Variants in TAF4B observed in about 807,000 individuals in gnomAD.
TAF4B encodes TATA-box binding protein associated factor 4b.
In TAF4B, 38 loss-of-function variants were observed where a neutral mutation model predicts 86.4. That is an observed-to-expected ratio of 0.44 (90% CI 0.34 to 0.58). The LOEUF (loss-of-function observed/expected upper bound fraction) is 0.58. TAF4B is among the 20% of genes least tolerant of loss of function. TAF4B has a pLI of 0.02. For missense variants in TAF4B, 988 were observed against 1,027.6 expected (o/e 0.96, Z 0.53); for synonymous variants, 388 against 391.2 (o/e 0.99, Z 0.10).
chr18:26,245,734 C>CT (rs1442479666), intron 1 of TAF4B, among the ~76,000 whole-genome samples: 1 of 152,212 alleles, frequency 6.6e-6, no homozygotes, highest in Non-Finnish European at 1.5e-5. Context: ...TTACAATCCT[C>CT]TTGTAAGACA....
chr18:26,313,478 G>A (rs1429890270), intron 9 of TAF4B, among the ~76,000 whole-genome samples: 2 of 152,104 alleles, frequency 1.3e-5, no homozygotes, highest in Non-Finnish European at 2.9e-5. Context: ...TGTCTCTGAG[G>A]ATACCTTTGT....
At chr18:26,290,469 A>C (rs1345949293) in intron 7 of TAF4B, among the ~76,000 whole-genome samples, 1 of 152,208 alleles carries the variant, frequency 6.6e-6, no homozygotes, top group African/African-American at 2.4e-5. Context: ...CTTGACTGCA[A>C]AGCTCAGTAA....
chr18:26,292,695 G>A (rs1157815900), intron 8 of TAF4B, among the ~76,000 whole-genome samples: 1 of 152,076 alleles, frequency 6.6e-6, no homozygotes, highest in African/African-American at 2.4e-5. Flanking sequence ...GCTAATTTTT[G>A]TATTTTTAGT....
chr18:26,341,994 C>T (rs929443011), intron 13 of TAF4B, among the ~76,000 whole-genome samples: 3 of 151,950 alleles, frequency 2.0e-5, no homozygotes, highest in African/African-American at 7.2e-5. Flanking sequence ...ATGTAATTAT[C>T]AGCATTGTTA....
At chr18:26,310,834 TA>T (rs1172213292) in intron 9 of TAF4B, among the ~76,000 whole-genome samples, 3 of 152,032 alleles carry the variant, frequency 2.0e-5, no homozygotes, top group African/African-American at 7.2e-5. Context: ...CTAAGTATAG[TA>T]TTTTTTTTTT....
At chr18:26,284,604 G>A (rs189655559) in intron 6 of TAF4B, among the ~76,000 whole-genome samples, 36 of 152,302 alleles carry the variant, frequency 2.4e-4, no homozygotes, top group Admixed American at 1.2e-3. Flanking sequence ...TTGGCTGGGC[G>A]TGGTGGCTCA....
rs771554118 is a variant in TAF4B at position 26,269,043 on chromosome 18, C to T, written c.597+1420C>T. On this transcript the variant is annotated intron_variant, in intron 3 of 14. Coordinates refer to ENST00000269142, the MANE Select transcript of TAF4B (RefSeq NM_005640.3). ...TTCACCATGTTGGCCAGGCTGGTCT[C>T]GAACTCTTGACCAAGTAATCCGCCT... Among the ~76,000 whole-genome samples the T allele has an allele frequency of 1.6e-4, 25 of 152,114 alleles. 1 individual carries two copies. In the South Asian group the frequency reaches 3.9e-3, roughly 24 times the overall value.
chr18:26,297,264 G>T (rs72880158), intron 9 of TAF4B, among the ~76,000 whole-genome samples: 6,354 of 152,210 alleles, frequency 0.042, 181 homozygotes, highest in Non-Finnish European at 0.058. Flanking sequence ...AGAGAAGGCT[G>T]GAGATTAAAA....
intron 3 of TAF4B, among the ~76,000 whole-genome samples, chr18:26,270,388 G>A (rs2056297701): frequency 6.6e-6 from 1 of 152,174 alleles, no homozygotes; most frequent in Admixed American, 6.6e-5. Context: ...ATTCGTTGAA[G>A]TCTTAATAGT....
chr18:26,385,683 T>TTG (rs1390073506), intron 14 of TAF4B, among the ~76,000 whole-genome samples: 6 of 142,112 alleles, frequency 4.2e-5, no homozygotes, highest in East Asian at 2.0e-4. Flanking sequence ...AACAGCGTTT[T>TTG]TTTTTTTTTT....
rs1173493692 is a variant in TAF4B, at chr18:26,391,206, C to A, written c.*1194C>A. On this transcript the variant is annotated 3_prime_UTR_variant, in exon 15 of 15. Coordinates refer to ENST00000269142, the MANE Select transcript of TAF4B (RefSeq NM_005640.3). ...GAAGAAGCTGACGGACAAAGCAAACCCTCTTTAAAAAAAAAAAAAAGAAAA... is the reference window on the plus strand; with the variant it reads ...GAAGAAGCTGACGGACAAAGCAAACACTCTTTAAAAAAAAAAAAAAGAAAA... 1.3e-5 allele frequency: 2 copies of A among 150,110 alleles called. No individual in the cohort carries two copies. The highest frequency in any genetic ancestry group is 1.9e-4 in the East Asian group (1 of 5,158). The allele number at this position is 150,110 out of a possible 1,614,324, so 9.3% of individuals were successfully genotyped here.
Position 26,389,905 on chromosome 18 carries a change from C to G in TAF4B, c.2482C>G (p.His828Asp), listed in dbSNP as rs199637525. ...TSSLTATKQL[H>D]RPRITRICLR... is the part of the protein sequence containing the mutation. ...CAGCCTGACAGCCACCAAACAGTTGCATCGTCCAAGAATCACGAGAATCTG... is the reference window on the plus strand; with the variant it reads ...CAGCCTGACAGCCACCAAACAGTTGGATCGTCCAAGAATCACGAGAATCTG... The change falls in exon 15 of 15, where the codon CAT becomes GAT. Residue 828 changes from histidine to aspartate, a missense_variant. Around this residue, in one of 3 missense-constraint regions of TAF4B, gnomAD observed 216 missense variants for 238.4 expected, o/e 0.91. Transcript: ENST00000269142. The G allele has an allele frequency of 3.1e-5, 50 of 1,614,022 alleles. No individual in the cohort carries two copies. The highest frequency in any genetic ancestry group is 4.1e-5 in the Non-Finnish European group (48 of 1,179,980).
intron 10 of TAF4B, 97 bp from the exon 11 acceptor site, chr18:26,320,973 G>A (rs985389540): frequency 2.0e-5 from 29 of 1,431,960 alleles, no homozygotes; most frequent in African/African-American, 2.0e-4. Context: ...ATTCATAATG[G>A]GTATGACTTC....
At chr18:26,253,008 T>C (rs2056029332) in intron 1 of TAF4B, among the ~76,000 whole-genome samples, 1 of 152,136 alleles carries the variant, frequency 6.6e-6, no homozygotes, top group South Asian at 2.1e-4. Context: ...CATCTGTAAA[T>C]AATTTTACTC....
At chr18:26,309,823 A>ATTTATTT (rs1387867332) in intron 9 of TAF4B, among the ~76,000 whole-genome samples, 1 of 151,852 alleles carries the variant, frequency 6.6e-6, no homozygotes, top group Non-Finnish European at 1.5e-5. Context: ...TCCTATTAAT[A>ATTTATTT]TTTATTTTTT....
intron 14 of TAF4B, among the ~76,000 whole-genome samples, chr18:26,373,677 CTCTCAG>C (rs2057421649): frequency 6.6e-6 from 1 of 152,076 alleles, no homozygotes; most frequent in African/African-American, 2.4e-5. Flanking sequence ...CATTTGTCAT[CTCTCAG>C]TCTTTTTAAT....
At chr18:26,388,250 A>T (rs1004914030) in intron 14 of TAF4B, among the ~76,000 whole-genome samples, 1 of 152,248 alleles carries the variant, frequency 6.6e-6, no homozygotes, top group Non-Finnish European at 1.5e-5. Context: ...AATTAAAAGT[A>T]ATAGTATATA....
intron 11 of TAF4B, 29 bp downstream of exon 11, chr18:26,321,229 C>T (rs1320940493): frequency 1.2e-6 from 2 of 1,612,324 alleles, no homozygotes; most frequent in South Asian, 1.1e-5. Context: ...GAAGTATAAA[C>T]TCTCGAGTGT....
At chr18:26,338,352 G>GA (rs1443372207) in intron 13 of TAF4B, among the ~76,000 whole-genome samples, 1 of 151,804 alleles carries the variant, frequency 6.6e-6, no homozygotes, top group Non-Finnish European at 1.5e-5. Context: ...AGGAGTCTGA[G>GA]ACATGAGAAT....
Sources: gnomAD v4.1 joint callset for allele counts (sites outside exome capture counted in the v4.1 genomes callset) on GRCh38, gnomAD v4.1.1 for gene constraint, gnomAD v4.1.1 regional missense constraint, MANE v1.5 for transcripts, NCBI Gene and HGNC (gene_info 2026-07-23, HGNC 2026-07-21) for gene names.